The following VPS26C variants were observed in gnomAD, a reference collection of about 807,000 sequenced individuals.
The protein encoded by VPS26C is vacuolar protein sorting-associated protein 26C.
In VPS26C, 19 loss-of-function variants were observed where a neutral mutation model predicts 30.6. The ratio of observed to expected loss-of-function variants is 0.62; its 90% CI spans 0.43 to 0.91. The LOEUF (loss-of-function observed/expected upper bound fraction) is 0.91. VPS26C is among the 40% of genes least tolerant of loss of function. VPS26C has a pLI of 0.00. For missense variants in VPS26C, 318 were observed against 385.1 expected, an observed-to-expected ratio of 0.83 and a Z score of 1.46; for synonymous variants, 132 against 151.5, an observed-to-expected ratio of 0.87 and a Z score of 0.95.
chr21:37,240,653 G>A lies in VPS26C; in HGVS notation c.58-14C>T. Reference sequence around the variant, plus strand: ...AGAGAGCACTTCCTGGGAGAGAAAAGACAGCCACCAATCAAATTAGCATGC... The same window carrying A: ...AGAGAGCACTTCCTGGGAGAGAAAAAACAGCCACCAATCAAATTAGCATGC... On this transcript the variant is annotated splice_polypyrimidine_tract_variant and intron_variant, in intron 1 of 7. Transcript: ENST00000309117. 3 of 1,609,038 alleles carry A rather than the reference G, an allele frequency of 1.9e-6. No individual in the cohort carries two copies. The highest frequency in any genetic ancestry group is 2.7e-5 in the African/African-American group (2 of 74,726).
intron 1 of VPS26C, 42 bp downstream of exon 1, chr21:37,267,196 C>A: frequency 7.7e-7 from 1 of 1,290,780 alleles, no homozygotes; most frequent in East Asian, 2.4e-5. Flanking sequence ...CCTGCAGACC[C>A]GCCCAACCCC....
At chr21:37,227,574 C>CT in intron 7 of VPS26C, 80 bp downstream of exon 7, 1 of 1,532,808 alleles carries the variant, frequency 6.5e-7, no homozygotes, top group African/African-American at 1.4e-5. Context: ...AGGTTCTGAG[C>CT]TCTGTGACCC....
chr21:37,266,993 C>G (rs9976050), intron 1 of VPS26C: 222,205 of 566,854 alleles, frequency 0.39, 44,645 homozygotes, highest in East Asian at 0.53. Context: ...GGCGCCTGCC[C>G]TGCACGTCCC....
At chr21:37,228,729 A>G in intron 5 of VPS26C, 1 of 183,810 alleles carries the variant, frequency 5.4e-6, no homozygotes. Flanking sequence ...TGACACACAC[A>G]CAGTTAAAAA....
At chr21:37,239,850 A>G (rs8129813) in intron 2 of VPS26C, among the ~76,000 whole-genome samples, 93,064 of 151,976 alleles carry the variant, frequency 0.61, 29,065 homozygotes, top group East Asian at 0.76. Flanking sequence ...TGTCTGCCTC[A>G]GCCTCCCAAA....
chr21:37,230,170 A>C (rs2085946653), intron 5 of VPS26C, among the ~76,000 whole-genome samples: 1 of 152,222 alleles, frequency 6.6e-6, no homozygotes, highest in African/African-American at 2.4e-5. Flanking sequence ...CCTGGCCAAG[A>C]CAGAGTTTTA....
intron 1 of VPS26C, among the ~76,000 whole-genome samples, chr21:37,256,456 TAA>T (rs2086244688): frequency 6.6e-6 from 1 of 152,256 alleles, no homozygotes; most frequent in Admixed American, 6.5e-5. Context: ...GAATTTTATA[TAA>T]GACTTCATTT....
rs959341872 is a variant in VPS26C, at chr21:37,233,288, G to C, written c.432+74C>G. ...CAGTAAGAGGCTAAATGGTGAGCTT[G>C]TAAATAGGGTAAACTCTCAGACCCC... is the stretch of plus-strand genomic sequence containing the variant. On this transcript the variant is annotated intron_variant, in intron 4 of 7. Coordinates refer to ENST00000309117, the MANE Select transcript of VPS26C (RefSeq NM_006052.2). The surrounding 1 kb of genome is among the most constrained non-coding windows in gnomAD (Gnocchi z 5.2). 7.6e-7 allele frequency: 1 copy of C among 1,314,148 alleles called. No homozygotes were observed. Among genetic ancestry groups the C allele is most frequent in the Admixed American group, 1.7e-5 (1 of 58,466 alleles). The allele number at this position is 1,314,148 out of a possible 1,614,324, so 81.4% of individuals were successfully genotyped here.
chr21:37,240,599 G>A lies in VPS26C; in HGVS notation c.98C>T (p.Ser33Leu). The A allele has an allele frequency of 3.1e-6, 5 of 1,614,232 alleles. No individual in the cohort carries two copies. Among genetic ancestry groups the A allele is most frequent in the Non-Finnish European group, 4.2e-6 (5 of 1,180,038 alleles). ...SGVVVISSKD[S>L]VQHQGVSLTM... ...CAAAGACACTCCCTGGTGTTGGACT[G>A]AATCCTTACTCGATATGACCACCAC... Residue 33 changes from serine (S) to leucine (L), a missense_variant, in exon 2 of 8, where the codon TCA (serine) becomes TTA (leucine). Transcript: ENST00000309117.
At chr21:37,267,580 C>T, upstream of VPS26C, 1 of 509,952 alleles carries the variant, frequency 2.0e-6, no homozygotes, top group Non-Finnish European at 3.5e-6. Context: ...CCACCCCTTC[C>T]GTAGGGACAG....
chr21:37,237,314 G>A (rs542102353), intron 3 of VPS26C: 7 of 152,262 alleles, frequency 4.6e-5, no homozygotes, highest in African/African-American at 7.2e-5. Flanking sequence ...AAAGCAAGTC[G>A]ATACTGATTC....
Position 37,257,343 on chromosome 21 carries a change from G to A in VPS26C, c.57+9895C>T, listed in dbSNP as rs550357697. The stretch of plus-strand genomic sequence containing the variant: ...CCCTCTGAGGCCGTAGCGGCTTCTC[G>A]TGGGCGAGTCCCTGTTCGCAGGTGA... On this transcript the variant is annotated intron_variant, in intron 1 of 7. Coordinates refer to ENST00000309117, the MANE Select transcript of VPS26C (RefSeq NM_006052.2). This position sits in a 1 kb window ranked among gnomAD's most constrained non-coding sequence, Gnocchi z 4.2. 8.0e-4 allele frequency among the ~76,000 whole-genome samples: 122 copies of A among 152,164 alleles called. 2 individuals are homozygous for A. The highest frequency in any genetic ancestry group is 3.9e-4 in the East Asian group (2 of 5,154).
At chr21:37,246,705 A>G (rs1368735306) in intron 1 of VPS26C, among the ~76,000 whole-genome samples, 1 of 152,260 alleles carries the variant, frequency 6.6e-6, no homozygotes, top group Non-Finnish European at 1.5e-5. Context: ...AAGTAGTATA[A>G]TGTACATGGC....
intron 1 of VPS26C, among the ~76,000 whole-genome samples, chr21:37,262,273 C>T (rs184408978): frequency 1.3e-5 from 2 of 152,312 alleles, no homozygotes; most frequent in Admixed American, 1.3e-4. Context: ...TTTACATTGT[C>T]TATTCCTCAT....
chr21:37,243,342 A>G (rs1226730309), intron 1 of VPS26C, among the ~76,000 whole-genome samples: 1 of 152,174 alleles, frequency 6.6e-6, no homozygotes, highest in African/African-American at 2.4e-5. Flanking sequence ...GTATACACCG[A>G]AATCGTGTGC....
At chr21:37,260,579 G>C (rs1080847) in intron 1 of VPS26C, among the ~76,000 whole-genome samples, 4,208 of 152,262 alleles carry the variant, frequency 0.028, 109 homozygotes, top group Non-Finnish European at 0.041. Flanking sequence ...TTAGGGAGAA[G>C]GTGCCCCAAC....
At chr21:37,251,713 T>G (rs543575197) in intron 1 of VPS26C, among the ~76,000 whole-genome samples, 144 of 152,270 alleles carry the variant, frequency 9.5e-4, no homozygotes, top group African/African-American at 3.2e-3. Flanking sequence ...TTATAATGAA[T>G]CCATTTTTAA....
At chr21:37,250,371 T>G (rs2086179741) in intron 1 of VPS26C, among the ~76,000 whole-genome samples, 1 of 151,976 alleles carries the variant, frequency 6.6e-6, no homozygotes. Context: ...TAGCAAATAC[T>G]TAAATGTAAA....
chr21:37,253,204 T>C (rs1302345093), intron 1 of VPS26C, among the ~76,000 whole-genome samples: 1 of 152,238 alleles, frequency 6.6e-6, no homozygotes, highest in South Asian at 2.1e-4. Flanking sequence ...CTTACATACA[T>C]GTGCTGCCAA....
Sources: allele counts gnomAD v4.1 joint callset (sites outside exome capture counted in the v4.1 genomes callset), GRCh38; gene constraint gnomAD v4.1.1; non-coding constraint Gnocchi (gnomAD v3.1); transcripts MANE v1.5; gene names NCBI Gene and HGNC (gene_info 2026-07-23, HGNC 2026-07-21).